LAMB3: variants seen among roughly 807,000 people sequenced by gnomAD.
The protein encoded by LAMB3 is laminin subunit beta-3.
A neutral mutation model predicts 140.3 loss-of-function variants in LAMB3; 104 were observed. That is an observed-to-expected ratio of 0.74 (90% CI 0.63 to 0.87). LAMB3 has a LOEUF of 0.87. Ranked by LOEUF, LAMB3 falls within the 40% of genes least tolerant of loss-of-function variation. The pLI is 0.00. For missense variants in LAMB3, 1,531 were observed against 1,575.2 expected (o/e 0.97, Z 0.47); for synonymous variants, 592 against 602.9 (o/e 0.98, Z 0.26).
intron 3 of LAMB3, among the ~76,000 whole-genome samples, chr1:209,643,477 G>A (rs1462540912): frequency 6.6e-6 from 1 of 152,224 alleles, no homozygotes; most frequent in African/African-American, 2.4e-5. Flanking sequence ...CAGCTGGAAA[G>A]GCTAGGCCTT....
rs1473974746 is a variant in LAMB3 at position 209,637,625 on chromosome 1, C to T, written c.372+283G>A. 2.0e-5 allele frequency among the ~76,000 whole-genome samples: 3 copies of T among 152,116 alleles called. 1 individual carries two copies. The highest frequency in any genetic ancestry group is 1.9e-4 in the East Asian group (1 of 5,194). ...AATACACAACTGTACAACAAGCAAC[C>T]GGGCCCAGTAGAATTGGTACTTGGC... On this transcript the variant is annotated intron_variant, in intron 5 of 22. Transcript: ENST00000356082.
At position 209,627,527 on chromosome 1, in the gene LAMB3, C is replaced by T. The variant is rs1476257815; in HGVS notation, c.1341G>A (p.Glu447=). ...GSRRDMPCDE[E]SGRCLCLPNV... Reference sequence around the variant, plus strand: ...TGGGCAGACAAAGGCAGCGCCCACTCTCCTCGTCACACGGCATGTCCCTCC... The same window carrying T: ...TGGGCAGACAAAGGCAGCGCCCACTTTCCTCGTCACACGGCATGTCCCTCC... Residue 447 remains glutamate (E), a synonymous_variant, in exon 12 of 23, where the codon GAG becomes GAA. Transcript: ENST00000356082. 1 of 1,613,984 alleles carries T rather than the reference C, an allele frequency of 6.2e-7. No individual in the cohort carries two copies. Among genetic ancestry groups the T allele is most frequent in the Non-Finnish European group, 8.5e-7 (1 of 1,180,036 alleles).
chr1:209,634,604 G>T lies in LAMB3; in HGVS notation c.407C>A (p.Ser136Tyr). ...PMPAGMLIERSSDFGKTWRVY... is the reference protein window; with the variant it reads ...PMPAGMLIERYSDFGKTWRVY... The stretch of plus-strand genomic sequence containing the variant: ...TCGCCAGGTCTTACCGAAGTCTGAG[G>T]AGCGCTCAATCAGCATGCCGGCGGG... The change falls in exon 6 of 23, where the codon TCC becomes TAC. Residue 136 changes from serine (S) to tyrosine (Y), a missense_variant. Physicochemically the swap from Ser to Tyr is moderately radical, Grantham distance 144. Transcript: ENST00000356082. The T allele has an allele frequency of 6.2e-7, 1 of 1,614,090 alleles. No individual in the cohort carries two copies. Among genetic ancestry groups the T allele is most frequent in the Non-Finnish European group, 8.5e-7 (1 of 1,179,994 alleles).
In LAMB3 at chr1:209,625,800, G is replaced by GC. The variant is rs1057516219; in HGVS notation, c.1823dup (p.Ser608ArgfsTer23). On this transcript the variant is annotated frameshift_variant, in exon 14 of 23. Coordinates refer to ENST00000356082, the MANE Select transcript of LAMB3 (RefSeq NM_000228.3). LOFTEE classifies it high-confidence loss of function. ...CCTCCAGCCCAGGCCCTGACCACAG[G>GC]CTGGCGGTGGCATTGCGGAGTCTAC... 3.7e-6 allele frequency: 6 copies of GC among 1,614,044 alleles called. No individual in the cohort carries two copies. The African/African-American group carries it at 6.7e-5, about 18-fold the overall frequency.
chr1:209,637,951 A>G lies in LAMB3; in HGVS notation c.329T>C (p.Leu110Pro). The G allele has an allele frequency of 6.2e-7, 1 of 1,613,380 alleles. No homozygotes were observed. Among genetic ancestry groups the G allele is most frequent in the Non-Finnish European group, 8.5e-7 (1 of 1,179,726 alleles). ...DVNPVSLQLDLDRRFQLQEVM... is the reference protein window; with the variant it reads ...DVNPVSLQLDPDRRFQLQEVM... ...TTCTTGAAGCTGGAATCTCCTGTCCAGGTCCAGCTGCAGAGAGACAGGGTT... is the reference window on the plus strand; with the variant it reads ...TTCTTGAAGCTGGAATCTCCTGTCCGGGTCCAGCTGCAGAGAGACAGGGTT... The change falls in exon 5 of 23, where the codon CTG (leucine) becomes CCG (proline). Residue 110 changes from leucine to proline, a missense_variant. Leu to Pro is a moderately conservative substitution (Grantham distance 98). Transcript: ENST00000356082.
intron 3 of LAMB3, among the ~76,000 whole-genome samples, chr1:209,648,773 C>T: frequency 6.6e-6 from 1 of 152,034 alleles, no homozygotes; most frequent in East Asian, 1.9e-4. Context: ...GCAGAGGTCT[C>T]CCTGAAATTT....
intron 3 of LAMB3, among the ~76,000 whole-genome samples, chr1:209,647,069 A>G (rs1313330301): frequency 6.6e-6 from 1 of 152,270 alleles, no homozygotes; most frequent in Non-Finnish European, 1.5e-5. Flanking sequence ...CAGACAGTTA[A>G]TGGGTCATCA....
intron 3 of LAMB3, among the ~76,000 whole-genome samples, chr1:209,640,033 C>T (rs959189812): frequency 6.6e-6 from 1 of 152,220 alleles, no homozygotes; most frequent in Admixed American, 6.5e-5. Flanking sequence ...GCTGGCACAG[C>T]CTGCAACAGG....
At position 209,632,667 on chromosome 1, in the gene LAMB3, C is replaced by T; in HGVS notation, c.738G>A (p.Leu246=). The part of the protein sequence containing the change: ...SAYYAVSQLR[L]QGSCFCHGHA... ...GGCCGTGACAGAAGCAGCTCCCCTG[C>T]AGACGGAGCTGGGACACAGCATAGT... The change falls in exon 8 of 23, where the codon CTG becomes CTA. Residue 246 remains leucine, a synonymous_variant. Transcript: ENST00000356082. 1 of 1,614,120 alleles carries T rather than the reference C, an allele frequency of 6.2e-7. No homozygotes were observed.
chr1:209,627,025 C>T (rs200837740), intron 12 of LAMB3, 47 bp from the exon 13 acceptor site: 22 of 1,359,650 alleles, frequency 1.6e-5, no homozygotes, highest in Non-Finnish European at 2.1e-5. Context: ...ACAGCCTCTG[C>T]CTTACCCTGG....
At chr1:209,637,805 T>C (rs1279608157) in intron 5 of LAMB3, 103 bp downstream of exon 5, 3 of 935,034 alleles carry the variant, frequency 3.2e-6, no homozygotes, top group African/African-American at 3.3e-5. Flanking sequence ...TGGTGAGTGT[T>C]GCCCCAACCC....
At position 209,623,824 on chromosome 1, in the gene LAMB3, G is replaced by C. The variant is rs375874458; in HGVS notation, c.2137+16C>G. ...AGTGCCCATGCCCGGGGTTATCCGG[G>C]TGCCCCTCTCCTCACCTGAAGGATC... On this transcript the variant is annotated intron_variant, in intron 15 of 22. Coordinates refer to ENST00000356082, the MANE Select transcript of LAMB3 (RefSeq NM_000228.3). The surrounding 1 kb of genome is among the most constrained non-coding windows in gnomAD (Gnocchi z 4.2). 24 of 1,614,052 alleles carry C rather than the reference G, an allele frequency of 1.5e-5. No individual in the cohort carries two copies. The highest frequency in any genetic ancestry group is 2.0e-5 in the Non-Finnish European group (24 of 1,180,032).
chr1:209,651,027 G>A (rs79807991), intron 1 of LAMB3, 46 bp from the exon 2 acceptor site: 2 of 1,196,226 alleles, frequency 1.7e-6, no homozygotes, highest in Non-Finnish European at 2.5e-6. Context: ...CAAACCCCTA[G>A]AGCACACTAG....
rs1487541463 is a variant in LAMB3, at chr1:209,615,070, T to C, written c.*201A>G. ...GGCATGCCAATCTCCACCATCTTTGTCTGTCAAGTGTAACTGTCCCATTGG... is the reference window on the plus strand; with the variant it reads ...GGCATGCCAATCTCCACCATCTTTGCCTGTCAAGTGTAACTGTCCCATTGG... On this transcript the variant is annotated 3_prime_UTR_variant, in exon 23 of 23. Transcript: ENST00000356082. 3.5e-5 allele frequency: 21 copies of C among 599,718 alleles called. No homozygotes were observed. The highest frequency in any genetic ancestry group is 3.5e-4 in the East Asian group (12 of 34,760). The allele number at this position is 599,718 out of a possible 1,614,324, so 37.1% of individuals were successfully genotyped here. A position where few individuals can be genotyped will look rare whatever the true frequency, so the allele number is the denominator to read the frequency against.
intron 14 of LAMB3, 126 bp from the exon 15 acceptor site, chr1:209,624,126 C>G (rs1666328803): frequency 3.9e-6 from 3 of 777,970 alleles, no homozygotes; most frequent in African/African-American, 3.5e-5. Context: ...GGCAACAGAA[C>G]AGAGAATCCA....
At chr1:209,642,097 T>C (rs956912894) in intron 3 of LAMB3, among the ~76,000 whole-genome samples, 2 of 152,172 alleles carry the variant, frequency 1.3e-5, no homozygotes, top group Admixed American at 1.3e-4. Context: ...ATGCCCCTGA[T>C]ACTCCCAAAC....
intron 3 of LAMB3, among the ~76,000 whole-genome samples, chr1:209,639,671 A>G (rs1571830618): frequency 2.0e-5 from 3 of 151,272 alleles, no homozygotes; most frequent in South Asian, 4.1e-4. Flanking sequence ...GCACACGCAC[A>G]CACACACACA....
rs142545615 is a variant in LAMB3, at chr1:209,619,111, A to C, written c.2702-452T>G. The stretch of plus-strand genomic sequence containing the variant: ...CTCAGGCAAGATTGCTCATTTGTGC[A>C]AAGGCAAATAAGAATGATCAAGTCT... On this transcript the variant is annotated intron_variant, in intron 18 of 22. Coordinates refer to ENST00000356082, the MANE Select transcript of LAMB3 (RefSeq NM_000228.3). Among the ~76,000 whole-genome samples the C allele has an allele frequency of 2.6e-4, 39 of 152,336 alleles. No homozygotes were observed. In the East Asian group the frequency reaches 7.3e-3, roughly 29 times the overall value.
intron 4 of LAMB3, among the ~76,000 whole-genome samples, 171 bp from the exon 5 acceptor site, chr1:209,638,152 A>G (rs759771270): frequency 6.6e-6 from 1 of 152,108 alleles, no homozygotes; most frequent in Admixed American, 6.6e-5. Flanking sequence ...TATATTATCT[A>G]TTCAAGATCC....
Sources: allele counts gnomAD v4.1 joint callset (sites outside exome capture counted in the v4.1 genomes callset), GRCh38; gene constraint gnomAD v4.1.1; non-coding constraint Gnocchi (gnomAD v3.1); transcripts MANE v1.5; gene names NCBI Gene and HGNC (gene_info 2026-07-23, HGNC 2026-07-21).